Variants in CCSER1 observed in about 807,000 individuals in gnomAD.
CCSER1 encodes the protein coiled-coil serine rich protein 1.
In CCSER1, 41 loss-of-function variants were observed where a neutral mutation model predicts 82.0. The ratio of observed to expected loss-of-function variants is 0.50; its 90% confidence interval spans 0.39 to 0.65. The LOEUF is 0.65. Among genes scored for constraint, CCSER1 ranks in the 30% least tolerant of loss-of-function variants. The pLI is 0.00. For missense variants in CCSER1, 1,119 were observed against 1,064.2 expected, an observed-to-expected ratio of 1.05 and a Z score of -0.72; for synonymous variants, 414 against 383.9, an observed-to-expected ratio of 1.08 and a Z score of -0.92.
intron 3 of CCSER1, among the ~76,000 whole-genome samples, chr4:90,380,932 G>A (rs1485166061): frequency 1.3e-5 from 2 of 152,238 alleles, no homozygotes; most frequent in South Asian, 2.1e-4. Flanking sequence ...ATTCAGGGCT[G>A]TGTGCTAAGT....
intron 7 of CCSER1, among the ~76,000 whole-genome samples, chr4:90,797,522 TG>T (rs1249903870): frequency 6.6e-6 from 1 of 152,242 alleles, no homozygotes; most frequent in Admixed American, 6.5e-5. Flanking sequence ...TCTGTTATGA[TG>T]TTAACTGTTT....
chr4:91,052,317 T>A (rs1016602208), intron 9 of CCSER1, among the ~76,000 whole-genome samples: 1 of 152,100 alleles, frequency 6.6e-6, no homozygotes, highest in African/African-American at 2.4e-5. Flanking sequence ...AATTTTATAC[T>A]GAAGGAAAAT....
intron 1 of CCSER1, among the ~76,000 whole-genome samples, chr4:90,138,704 T>A (rs1158348808): frequency 6.6e-6 from 1 of 152,208 alleles, no homozygotes; most frequent in Non-Finnish European, 1.5e-5. Flanking sequence ...GTTCACTTTT[T>A]TTTTTTTAAT....
At chr4:91,577,435 T>C (rs7666325) in intron 10 of CCSER1, among the ~76,000 whole-genome samples, 72,310 of 151,724 alleles carry the variant, frequency 0.48, 17,550 homozygotes, top group East Asian at 0.63. Flanking sequence ...TTCAATAACT[T>C]TTCCAAGAAA....
intron 5 of CCSER1, among the ~76,000 whole-genome samples, chr4:90,470,771 AAAAAAAAAAAC>A (rs1271913969): frequency 3.3e-5 from 5 of 151,126 alleles, no homozygotes; most frequent in South Asian, 2.1e-4. Flanking sequence ...GCAAAAAAAA[AAAAAAAAAAAC>A]AAAACACCCA....
At chr4:90,362,848 A>G (rs914986302) in intron 3 of CCSER1, among the ~76,000 whole-genome samples, 3 of 152,174 alleles carry the variant, frequency 2.0e-5, no homozygotes, top group African/African-American at 7.2e-5. Context: ...TTAACAGTAT[A>G]ATATCAATAG....
chr4:90,795,345 G>A (rs1002895947), intron 7 of CCSER1, among the ~76,000 whole-genome samples: 6 of 151,514 alleles, frequency 4.0e-5, no homozygotes, highest in African/African-American at 1.5e-4. Flanking sequence ...CATTGATTTT[G>A]CATCCTGAGA....
intron 8 of CCSER1, among the ~76,000 whole-genome samples, chr4:90,822,468 C>G (rs1237533321): frequency 1.3e-5 from 2 of 152,128 alleles, no homozygotes; most frequent in African/African-American, 4.8e-5. Context: ...GTGACTCACG[C>G]CTGTAATCCC....
intron 1 of CCSER1, among the ~76,000 whole-genome samples, chr4:90,212,904 C>T (rs147487272): frequency 6.6e-6 from 1 of 152,218 alleles, no homozygotes; most frequent in Non-Finnish European, 1.5e-5. Flanking sequence ...AGGACTGGGC[C>T]TGTTGATGAA....
chr4:90,605,392 G>A (rs1784565020), intron 5 of CCSER1, among the ~76,000 whole-genome samples: 1 of 152,128 alleles, frequency 6.6e-6, no homozygotes, highest in African/African-American at 2.4e-5. Flanking sequence ...AATATGGGCC[G>A]ATAAAGTTGA....
intron 10 of CCSER1, among the ~76,000 whole-genome samples, chr4:91,397,342 AATGGATTAC>A (rs1752053761): frequency 6.6e-6 from 1 of 152,048 alleles, no homozygotes; most frequent in Admixed American, 6.6e-5. Context: ...TTCCATAATA[AATGGATTAC>A]ATAAGAAGAT....
chr4:90,534,419 G>A (rs1160339218), intron 5 of CCSER1, among the ~76,000 whole-genome samples: 3 of 151,520 alleles, frequency 2.0e-5, no homozygotes, highest in South Asian at 4.2e-4. Context: ...GTGAGCCACC[G>A]AGCCCAGGCT....
intron 10 of CCSER1, among the ~76,000 whole-genome samples, chr4:91,141,083 T>C (rs547864154): frequency 1.3e-5 from 2 of 152,132 alleles, no homozygotes; most frequent in African/African-American, 2.4e-5. Flanking sequence ...GTTTCTACAT[T>C]AATTTACTTT....
At chr4:91,450,498 T>C (rs770159547) in intron 10 of CCSER1, among the ~76,000 whole-genome samples, 3 of 151,950 alleles carry the variant, frequency 2.0e-5, no homozygotes, top group Non-Finnish European at 2.9e-5. Context: ...CATCGGACTA[T>C]AGGTGTCACA....
At chr4:90,140,528 AC>A (rs1372227323) in intron 1 of CCSER1, among the ~76,000 whole-genome samples, 3 of 152,196 alleles carry the variant, frequency 2.0e-5, no homozygotes, top group African/African-American at 7.2e-5. Context: ...ATATTTTTTG[AC>A]ATGAAGACAA....
intron 6 of CCSER1, among the ~76,000 whole-genome samples, chr4:90,644,821 C>T (rs752442730): frequency 2.0e-5 from 3 of 151,922 alleles, no homozygotes; most frequent in Non-Finnish European, 4.4e-5. Flanking sequence ...GTGGCTCACA[C>T]CTATAATCCC....
At chr4:90,915,435 G>T (rs1051502457) in intron 8 of CCSER1, among the ~76,000 whole-genome samples, 1 of 152,144 alleles carries the variant, frequency 6.6e-6, no homozygotes, top group African/African-American at 2.4e-5. Flanking sequence ...CTCAATAGAT[G>T]CAGAAAAGGC....
At chr4:90,257,174 G>A (rs1274836632) in intron 1 of CCSER1, among the ~76,000 whole-genome samples, 1 of 150,776 alleles carries the variant, frequency 6.6e-6, no homozygotes, top group African/African-American at 2.4e-5. Flanking sequence ...GAAAGGAGAT[G>A]GCATAAAATA....
chr4:91,206,832 T>C (rs1736389554), intron 10 of CCSER1, among the ~76,000 whole-genome samples: 1 of 151,904 alleles, frequency 6.6e-6, no homozygotes, highest in African/African-American at 2.4e-5. Flanking sequence ...CTTGAGAGAT[T>C]GCTGAATTAT....
Sources: gnomAD v4.1 joint callset for allele counts (sites outside exome capture counted in the v4.1 genomes callset) on GRCh38, gnomAD v4.1.1 for gene constraint, MANE v1.5 for transcripts, NCBI Gene and HGNC (gene_info 2026-07-23, HGNC 2026-07-21) for gene names.